The following SYNPO2 variants were observed in gnomAD, a reference collection of about 807,000 sequenced individuals.
SYNPO2 encodes the protein synaptopodin-2.
SYNPO2 carries 56 observed loss-of-function variants against 85.0 expected under a neutral mutation model. The ratio of observed to expected loss-of-function variants is 0.66; its 90% CI spans 0.53 to 0.82. The LOEUF (loss-of-function observed/expected upper bound fraction) is 0.82. SYNPO2 is among the 40% of genes least tolerant of loss of function. The pLI, the probability that SYNPO2 is intolerant of heterozygous loss-of-function variation, is 0.00. For missense variants in SYNPO2, 1,575 were observed against 1,534.2 expected, an observed-to-expected ratio of 1.03 and a Z score of -0.44; for synonymous variants, 602 against 591.1, an observed-to-expected ratio of 1.02 and a Z score of -0.27.
At chr4:119,017,018 C>T (rs983588019) in intron 1 of SYNPO2, among the ~76,000 whole-genome samples, 1 of 152,038 alleles carries the variant, frequency 6.6e-6, no homozygotes, top group Non-Finnish European at 1.5e-5. Context: ...CAAAAGAAAA[C>T]GTTTTTGTCT....
intron 1 of SYNPO2, among the ~76,000 whole-genome samples, chr4:119,012,289 C>T (rs1160087787): frequency 6.6e-6 from 1 of 151,884 alleles, no homozygotes; most frequent in Non-Finnish European, 1.5e-5. Flanking sequence ...CTCCTGCCGG[C>T]ATCACCAGAG....
chr4:118,952,254 G>T (rs940205343), intron 1 of SYNPO2, among the ~76,000 whole-genome samples: 1 of 152,138 alleles, frequency 6.6e-6, no homozygotes, highest in African/African-American at 2.4e-5. Context: ...AATGGAAAGA[G>T]ATAGTTAAAT....
intron 4 of SYNPO2, among the ~76,000 whole-genome samples, chr4:119,041,686 T>C (rs894152142): frequency 6.6e-6 from 1 of 152,252 alleles, no homozygotes; most frequent in African/African-American, 2.4e-5. Context: ...TACTTAGAAC[T>C]TTTAATTTTA....
upstream of SYNPO2, among the ~76,000 whole-genome samples, chr4:118,885,469 CT>C (rs200816127): frequency 3.2e-3 from 452 of 140,814 alleles, no homozygotes; most frequent in African/African-American, 3.9e-3. Context: ...ATCCATAGGT[CT>C]TTTTTTTTTT....
At chr4:118,969,036 G>A (rs1220584575) in intron 1 of SYNPO2, among the ~76,000 whole-genome samples, 1 of 152,168 alleles carries the variant, frequency 6.6e-6, no homozygotes, top group Admixed American at 6.5e-5. Context: ...CTATGTAGTT[G>A]AGCAAGTCCA....
intron 1 of SYNPO2, among the ~76,000 whole-genome samples, chr4:118,858,970 G>A (rs759917497): frequency 2.6e-5 from 4 of 152,124 alleles, no homozygotes; most frequent in East Asian, 1.9e-4. Flanking sequence ...TAGTGGAGGC[G>A]TTATCTAGAA....
intron 1 of SYNPO2, among the ~76,000 whole-genome samples, chr4:118,873,203 G>T (rs1731835560): frequency 6.6e-6 from 1 of 152,070 alleles, no homozygotes; most frequent in African/African-American, 2.4e-5. Context: ...CGTTTCCTTT[G>T]GGCAGATAGT....
chr4:119,029,760 C>T, intron 3 of SYNPO2, 85 bp from the exon 4 acceptor site: 1 of 1,411,212 alleles, frequency 7.1e-7, no homozygotes, highest in South Asian at 1.7e-5. Flanking sequence ...TTATTTTCCC[C>T]CAGGAGAGTT....
At chr4:119,041,427 A>G (rs1269006556) in intron 4 of SYNPO2, among the ~76,000 whole-genome samples, 1 of 152,110 alleles carries the variant, frequency 6.6e-6, no homozygotes, top group Non-Finnish European at 1.5e-5. Flanking sequence ...ATAATGTACT[A>G]ATTTAAGGTT....
At chr4:118,874,501 A>G (rs918639876) in intron 1 of SYNPO2, among the ~76,000 whole-genome samples, 3 of 152,226 alleles carry the variant, frequency 2.0e-5, no homozygotes, top group African/African-American at 7.2e-5. Flanking sequence ...AAACCAGTGG[A>G]CACCATGTGA....
chr4:118,964,257 C>G (rs1393248307), intron 1 of SYNPO2, among the ~76,000 whole-genome samples: 3 of 151,624 alleles, frequency 2.0e-5, no homozygotes, highest in Non-Finnish European at 2.9e-5. Flanking sequence ...TGAGACCAGC[C>G]TGGGCAACAG....
At chr4:119,047,571 T>C (rs1261391594) in intron 4 of SYNPO2, among the ~76,000 whole-genome samples, 1 of 152,206 alleles carries the variant, frequency 6.6e-6, no homozygotes, top group Non-Finnish European at 1.5e-5. Context: ...CTTAAAATCC[T>C]CTTTAAGAAG....
intron 4 of SYNPO2, chr4:119,036,421 G>GCCC: frequency 1.0e-6 from 1 of 985,426 alleles, no homozygotes; most frequent in Non-Finnish European, 1.2e-6. Context: ...ACACAAAGAT[G>GCCC]CCTGTGACAC....
intron 1 of SYNPO2, among the ~76,000 whole-genome samples, chr4:118,958,127 A>G (rs947151750): frequency 2.6e-5 from 4 of 152,066 alleles, no homozygotes; most frequent in African/African-American, 9.7e-5. Flanking sequence ...TCATCTTTCA[A>G]GGGACTTTAC....
intron 1 of SYNPO2, among the ~76,000 whole-genome samples, chr4:118,934,405 T>C (rs1560882413): frequency 6.6e-6 from 1 of 152,182 alleles, no homozygotes; most frequent in Non-Finnish European, 1.5e-5. Context: ...TACCAGTTAC[T>C]GTAGAGACTA....
At chr4:118,975,138 A>C (rs1297664977) in intron 1 of SYNPO2, among the ~76,000 whole-genome samples, 4 of 152,168 alleles carry the variant, frequency 2.6e-5, no homozygotes, top group African/African-American at 9.7e-5. Context: ...CTCCAGGAGT[A>C]CACCAGACTC....
intron 1 of SYNPO2, among the ~76,000 whole-genome samples, chr4:118,880,203 A>G (rs1473372085): frequency 6.6e-6 from 1 of 152,194 alleles, no homozygotes; most frequent in Non-Finnish European, 1.5e-5. Flanking sequence ...AAAACAATCA[A>G]AATGTGAAAA....
At position 119,061,116 on chromosome 4, in the gene SYNPO2, A is replaced by G. The variant is rs1739398498; in HGVS notation, c.*3182A>G. 6.6e-6 allele frequency: 1 copy of G among 152,184 alleles called. No homozygotes were observed. The highest frequency in any genetic ancestry group is 1.5e-5 in the Non-Finnish European group (1 of 68,018). 9.4% of individuals were successfully genotyped at this position (152,184 alleles called of 1,614,324 possible). On this transcript the variant is annotated 3_prime_UTR_variant, in exon 5 of 5. Coordinates refer to ENST00000307142, the MANE Select transcript of SYNPO2 (RefSeq NM_133477.3). ...ATATCTACATGGTCCACACTTTTCT[A>G]TTTTAAAAAATTGTGTTCTCTTGTT...
chr4:118,923,506 C>T (rs1733607424), intron 1 of SYNPO2, among the ~76,000 whole-genome samples: 1 of 151,982 alleles, frequency 6.6e-6, no homozygotes, highest in African/African-American at 2.4e-5. Context: ...TGCAATTTAC[C>T]TATATAACAA....
Sources: allele counts gnomAD v4.1 joint callset (sites outside exome capture counted in the v4.1 genomes callset), GRCh38; gene constraint gnomAD v4.1.1; transcripts MANE v1.5; gene names NCBI Gene and HGNC (gene_info 2026-07-23, HGNC 2026-07-21).